Variants in STRA8 observed in about 807,000 individuals in gnomAD.
STRA8 encodes stimulated by retinoic acid gene 8 protein homolog.
A neutral mutation model predicts 37.1 loss-of-function variants in STRA8; 18 were observed. The ratio of observed to expected loss-of-function variants is 0.48; its 90% CI spans 0.34 to 0.72. STRA8 has a LOEUF of 0.72. STRA8 is among the 30% of genes least tolerant of loss of function. The pLI is 0.01. For missense variants in STRA8, 357 were observed against 410.4 expected (o/e 0.87, Z 1.13); for synonymous variants, 168 against 162.9 (o/e 1.03, Z -0.24).
rs1384532497 is a variant in STRA8, at chr7:135,251,866, C to T, written c.950C>T (p.Ser317Phe). ...DKSEVPSTSS[S>F]SSVLASCNPE... The stretch of plus-strand genomic sequence containing the variant: ...AGTGAGGTTCCGAGTACATCTAGCT[C>T]CAGGTGAGGAAGAGGGTGTGAGATA... The change falls in exon 7 of 9, where the codon TCC becomes TTC. Residue 317 changes from serine (S) to phenylalanine (F), a missense_variant. Transcript: ENST00000662584. The T allele has an allele frequency of 6.8e-6, 11 of 1,613,922 alleles. No individual in the cohort carries two copies. The highest frequency in any genetic ancestry group is 9.3e-6 in the Non-Finnish European group (11 of 1,180,014).
intron 5 of STRA8, among the ~76,000 whole-genome samples, 98 bp downstream of exon 5, chr7:135,245,625 G>A (rs1260653525): frequency 6.6e-6 from 1 of 152,162 alleles, no homozygotes; most frequent in Non-Finnish European, 1.5e-5. Flanking sequence ...GCAGCTGTGT[G>A]CCCCAGCTGG....
chr7:135,242,716 G>A, intron 2 of STRA8, 65 bp from the exon 3 acceptor site: 1 of 1,531,594 alleles, frequency 6.5e-7, no homozygotes, highest in Non-Finnish European at 9.0e-7. Context: ...AGGGATTCCT[G>A]GGTCCACAAA....
chr7:135,234,963 G>A (rs192683786), intron 1 of STRA8, among the ~76,000 whole-genome samples: 23 of 152,112 alleles, frequency 1.5e-4, no homozygotes, highest in Admixed American at 5.9e-4. Flanking sequence ...TGCAACCTCT[G>A]CTTCCTAGGC....
chr7:135,249,175 A>G (rs956833954), intron 6 of STRA8, among the ~76,000 whole-genome samples: 1 of 152,368 alleles, frequency 6.6e-6, no homozygotes. Flanking sequence ...TGGAGCATAT[A>G]TGGAAACCTG....
intron 1 of STRA8, among the ~76,000 whole-genome samples, chr7:135,238,615 C>T (rs1040742974): frequency 2.6e-5 from 4 of 152,202 alleles, no homozygotes; most frequent in African/African-American, 9.7e-5. Context: ...AACAGTGCTT[C>T]CCACCCGCTT....
chr7:135,245,000 T>G (rs1562970682), intron 4 of STRA8, among the ~76,000 whole-genome samples: 1 of 152,218 alleles, frequency 6.6e-6, no homozygotes, highest in Non-Finnish European at 1.5e-5. Context: ...CCTAGTTTGC[T>G]GAGAGTTTTT....
intron 1 of STRA8, among the ~76,000 whole-genome samples, chr7:135,237,068 G>C (rs550586482): frequency 2.0e-5 from 3 of 152,316 alleles, no homozygotes; most frequent in Non-Finnish European, 2.9e-5. Context: ...CTTAAACTGG[G>C]AAGGGCAAGT....
chr7:135,251,782 G>A lies in STRA8; in HGVS notation c.880-14G>A. The A allele has an allele frequency of 1.9e-6, 3 of 1,614,076 alleles. No individual in the cohort carries two copies. The highest frequency in any genetic ancestry group is 2.5e-6 in the Non-Finnish European group (3 of 1,179,948). On this transcript the variant is annotated splice_polypyrimidine_tract_variant and intron_variant, in intron 6 of 8. Transcript: ENST00000662584. ...AGTTATTTCCAACACATGAAGTGTT[G>A]TGCTTTCTTTCAGATCCTTTTTGAG...
rs748376682 is a variant in STRA8, at chr7:135,255,103, T to G, written c.954-11T>G. Reference sequence around the variant, plus strand: ...GAATATTTGTTGCCTTTTCTTCCTTTCTGTTGTCAGTTCAGTGCTTGCCAG... The same window carrying G: ...GAATATTTGTTGCCTTTTCTTCCTTGCTGTTGTCAGTTCAGTGCTTGCCAG... On this transcript the variant is annotated splice_polypyrimidine_tract_variant and intron_variant, in intron 7 of 8. Transcript: ENST00000662584. The G allele has an allele frequency of 6.2e-7, 1 of 1,609,438 alleles. No individual in the cohort carries two copies.
intron 1 of STRA8, among the ~76,000 whole-genome samples, chr7:135,235,443 CTT>C (rs35888510): frequency 0.022 from 3,038 of 135,678 alleles, 117 homozygotes; most frequent in African/African-American, 0.075. Context: ...ATGAGCATGA[CTT>C]TTTTTTTTTT....
chr7:135,234,862 A>G (rs1832347473), intron 1 of STRA8, among the ~76,000 whole-genome samples: 1 of 152,150 alleles, frequency 6.6e-6, no homozygotes, highest in African/African-American at 2.4e-5. Context: ...CACAGCAATA[A>G]GTTTTGGTTT....
At chr7:135,248,558 A>C (rs1344077519) in intron 6 of STRA8, among the ~76,000 whole-genome samples, 1 of 152,152 alleles carries the variant, frequency 6.6e-6, no homozygotes, top group East Asian at 1.9e-4. Flanking sequence ...AAACTAAAAA[A>C]AAATAAAAAG....
At chr7:135,234,378 G>A (rs1055564948) in intron 1 of STRA8, among the ~76,000 whole-genome samples, 1 of 152,166 alleles carries the variant, frequency 6.6e-6, no homozygotes, top group African/African-American at 2.4e-5. Context: ...CAAAGTGTGG[G>A]ATTACAGGCA....
At chr7:135,239,497 C>A (rs1832428248) in intron 1 of STRA8, among the ~76,000 whole-genome samples, 1 of 152,230 alleles carries the variant, frequency 6.6e-6, no homozygotes, top group African/African-American at 2.4e-5. Context: ...TCACCAGAAA[C>A]TCCAGTACTG....
chr7:135,255,213 T>C lies in STRA8; in HGVS notation c.1053T>C (p.Thr351=), dbSNP rs754984905. The change falls in exon 8 of 9, where the codon ACT becomes ACC. Residue 351 remains threonine (T), a synonymous_variant. Transcript: ENST00000662584. ...NFFKGLSCAN[T]QVKQEASFPV... ...TTAAAGGCCTTAGCTGTGCAAACACTCAAGTAAAGCAGGTAGGATGGAGTA... is the reference window on the plus strand; with the variant it reads ...TTAAAGGCCTTAGCTGTGCAAACACCCAAGTAAAGCAGGTAGGATGGAGTA... The C allele has an allele frequency of 8.1e-6, 13 of 1,613,190 alleles. No homozygotes were observed. The highest frequency in any genetic ancestry group is 1.3e-5 in the African/African-American group (1 of 74,888).
At position 135,246,599 on chromosome 7, in the gene STRA8, T is replaced by C; in HGVS notation, c.776T>C (p.Leu259Pro). ...CAGAAGCACCGCGGCCCTGCGACCC[T>C]GGCGGAGGCCTGCCGAGAGCCGGCC... ...WAQKHRGPAT[L>P]AEACREPACA... is the part of the protein sequence containing the mutation. The change falls in exon 6 of 9, where the codon CTG becomes CCG. Residue 259 changes from leucine (L) to proline (P), a missense_variant. Leu to Pro is a moderately conservative substitution (Grantham distance 98). Transcript: ENST00000662584. This position sits in a 1 kb window ranked among gnomAD's most constrained non-coding sequence, Gnocchi z 5.4. 6.5e-7 allele frequency: 1 copy of C among 1,537,834 alleles called. No homozygotes were observed. The highest frequency in any genetic ancestry group is 8.7e-7 in the Non-Finnish European group (1 of 1,145,754).
At chr7:135,248,604 A>T (rs751651704) in intron 6 of STRA8, among the ~76,000 whole-genome samples, 28 of 152,170 alleles carry the variant, frequency 1.8e-4, no homozygotes, top group Non-Finnish European at 3.7e-4. Flanking sequence ...CCAGGTACTC[A>T]GGAGGCTGAG....
chr7:135,232,913 T>C (rs935757236), upstream of STRA8, among the ~76,000 whole-genome samples: 3 of 152,198 alleles, frequency 2.0e-5, no homozygotes, highest in Middle Eastern at 3.2e-3. Flanking sequence ...ACCCATCAGA[T>C]GGCAGCAAGG....
At chr7:135,258,375 C>T (rs1025728333) in intron 8 of STRA8, 43 bp from the exon 9 acceptor site, 1 of 1,537,550 alleles carries the variant, frequency 6.5e-7, no homozygotes, top group Non-Finnish European at 8.9e-7. Context: ...GGGCCCAAGA[C>T]CCACAGATAA....
Sources: gnomAD v4.1 joint callset for allele counts (sites outside exome capture counted in the v4.1 genomes callset) on GRCh38, gnomAD v4.1.1 for gene constraint, Gnocchi (gnomAD v3.1) non-coding constraint, MANE v1.5 for transcripts, NCBI Gene and HGNC (gene_info 2026-07-23, HGNC 2026-07-21) for gene names.